Variants in GPATCH8 observed in about 807,000 individuals in gnomAD.
GPATCH8 encodes G-patch domain containing 8, also known as G patch domain-containing protein 8.
Under a neutral mutation model 118.3 loss-of-function variants are expected in GPATCH8, and 18 were observed. That is an observed-to-expected ratio of 0.15 (90% confidence interval 0.11 to 0.23). GPATCH8 has a LOEUF of 0.23. Ranked by LOEUF, GPATCH8 falls within the 10% of genes least tolerant of loss-of-function variation. The probability of loss-of-function intolerance (pLI) is 1.00; values close to 1 mark genes in which losing one functional copy is unlikely to be tolerated. For synonymous variants in GPATCH8, 659 were observed against 684.7 expected, an observed-to-expected ratio of 0.96 and a Z score of 0.59; for missense variants, 1,631 against 1,873.8, an observed-to-expected ratio of 0.87 and a Z score of 2.39.
chr17:44,459,793 A>G (rs563921154), intron 3 of GPATCH8, among the ~76,000 whole-genome samples: 1 of 152,302 alleles, frequency 6.6e-6, no homozygotes, highest in Admixed American at 6.5e-5. Context: ...ACCATGTCTT[A>G]TCTACTCTCC....
intron 7 of GPATCH8, 152 bp downstream of exon 7, chr17:44,405,769 G>A (rs1039182157): frequency 6.1e-5 from 35 of 576,444 alleles, no homozygotes; most frequent in South Asian, 1.0e-4. Flanking sequence ...CTCTCAAAGT[G>A]CTGGGATTAT....
At chr17:44,463,146 G>T (rs1460739602) in intron 3 of GPATCH8, among the ~76,000 whole-genome samples, 1 of 151,644 alleles carries the variant, frequency 6.6e-6, no homozygotes, top group East Asian at 1.9e-4. Context: ...TTTTGAACAC[G>T]TGGCCTCAAA....
chr17:44,442,096 C>T (rs1458256842), intron 3 of GPATCH8, among the ~76,000 whole-genome samples: 12 of 104,252 alleles, frequency 1.2e-4, no homozygotes, highest in Non-Finnish European at 1.4e-4. Context: ...TATATGTATA[C>T]GTATATATAT....
At chr17:44,474,936 A>C in intron 1 of GPATCH8, 33 bp from the exon 2 acceptor site, 3 of 1,068,840 alleles carry the variant, frequency 2.8e-6, no homozygotes, top group South Asian at 2.5e-5. Flanking sequence ...ATTTTTCAAA[A>C]GCAGTTAAGT....
intron 6 of GPATCH8, among the ~76,000 whole-genome samples, chr17:44,421,598 T>A (rs1023662404): frequency 2.0e-5 from 3 of 151,954 alleles, no homozygotes; most frequent in Non-Finnish European, 2.9e-5. Context: ...ACTCCTGACC[T>A]CAGGTGAACT....
chr17:44,467,169 T>G, intron 2 of GPATCH8: 1 of 784,498 alleles, frequency 1.3e-6, no homozygotes, highest in Non-Finnish European at 1.8e-6. Context: ...CAATCACTAA[T>G]GGTCGTTTTT....
chr17:44,483,552 G>A (rs1008462774), intron 1 of GPATCH8, among the ~76,000 whole-genome samples: 5 of 151,668 alleles, frequency 3.3e-5, no homozygotes, highest in African/African-American at 1.2e-4. Context: ...ACTGGCCGAG[G>A]TAGGCTATTT....
In GPATCH8 at chr17:44,396,704, A is replaced by G; in HGVS notation, c.*864T>C. The G allele has an allele frequency of 2.2e-6, 1 of 445,890 alleles. No individual in the cohort carries two copies. The highest frequency in any genetic ancestry group is 4.5e-6 in the Non-Finnish European group (1 of 224,684). The allele number at this position is 445,890 out of a possible 1,614,324, so 27.6% of individuals were successfully genotyped here. A position where few individuals can be genotyped will look rare whatever the true frequency, so the allele number is the denominator to read the frequency against. ...AAAATATTATTGCAGTATACTACAA[A>G]TATGGAACCTTTTTTATATGAGCTA... On this transcript the variant is annotated 3_prime_UTR_variant, in exon 8 of 8. Transcript: ENST00000591680.
chr17:44,478,138 TTCAATTTACC>T (rs1482907627), intron 1 of GPATCH8, among the ~76,000 whole-genome samples: 1 of 152,234 alleles, frequency 6.6e-6, no homozygotes, highest in Non-Finnish European at 1.5e-5. Flanking sequence ...AAAGTCTGTC[TTCAATTTACC>T]TCCAAACACC....
Position 44,400,810 on chromosome 17 carries a change from C to T in GPATCH8, c.1267G>A (p.Asp423Asn), listed in dbSNP as rs772681854. ...GCATTCTTTGGGTGTGTAGTATTAT[C>T]ACCATCCATTTGTTCACTGGCTCTC... The part of the protein sequence containing the change: ...FMRASEQMDG[D>N]NTTHPKNAPE... The change falls in exon 8 of 8, where the codon GAT becomes AAT. Residue 423 changes from aspartate (D) to asparagine (N), a missense_variant. By Grantham distance (23) the Asp-to-Asn change is conservative (BLOSUM62 1). Coordinates refer to ENST00000591680, the MANE Select transcript of GPATCH8 (RefSeq NM_001002909.4). The T allele has an allele frequency of 1.2e-6, 2 of 1,614,148 alleles. No homozygotes were observed. The highest frequency in any genetic ancestry group is 4.5e-5 in the East Asian group (2 of 44,890).
At chr17:44,450,366 G>A (rs1313294685) in intron 3 of GPATCH8, among the ~76,000 whole-genome samples, 1 of 152,128 alleles carries the variant, frequency 6.6e-6, no homozygotes, top group Non-Finnish European at 1.5e-5. Flanking sequence ...TCTAAACACA[G>A]CAAAACTCAC....
intron 6 of GPATCH8, among the ~76,000 whole-genome samples, chr17:44,420,713 T>G (rs1344266539): frequency 6.6e-6 from 1 of 152,246 alleles, no homozygotes; most frequent in African/African-American, 2.4e-5. Flanking sequence ...ACATTCAGGT[T>G]GAGGACAGTG....
At chr17:44,454,991 C>T (rs771362668) in intron 3 of GPATCH8, among the ~76,000 whole-genome samples, 1 of 152,214 alleles carries the variant, frequency 6.6e-6, no homozygotes, top group Admixed American at 6.5e-5. Flanking sequence ...TCTTCAAATA[C>T]ACCAGCTCTG....
intron 1 of GPATCH8, among the ~76,000 whole-genome samples, chr17:44,481,035 C>A (rs890110042): frequency 2.0e-5 from 3 of 152,060 alleles, no homozygotes; most frequent in African/African-American, 7.2e-5. Context: ...TTCAGGCTCC[C>A]GAGTAGCTGG....
At chr17:44,454,649 C>T (rs1002830897) in intron 3 of GPATCH8, among the ~76,000 whole-genome samples, 1 of 152,070 alleles carries the variant, frequency 6.6e-6, no homozygotes, top group Non-Finnish European at 1.5e-5. Flanking sequence ...TCTTGAACTC[C>T]TGGCCTCAAG....
chr17:44,498,836 C>T (rs140507039), intron 1 of GPATCH8, among the ~76,000 whole-genome samples: 24 of 152,260 alleles, frequency 1.6e-4, no homozygotes, highest in Non-Finnish European at 2.6e-4. Context: ...AATTACAATG[C>T]CAACTATATT....
intron 3 of GPATCH8, among the ~76,000 whole-genome samples, chr17:44,458,479 C>T (rs2071036348): frequency 6.6e-6 from 1 of 151,932 alleles, no homozygotes; most frequent in East Asian, 1.9e-4. Context: ...AGATATTTTC[C>T]CCAGTCTGTT....
intron 3 of GPATCH8, among the ~76,000 whole-genome samples, chr17:44,456,658 T>C (rs2051344651): frequency 1.3e-5 from 2 of 152,020 alleles, no homozygotes; most frequent in South Asian, 4.2e-4. Context: ...AGTCATAAAA[T>C]GTAGTCTAAA....
At position 44,396,037 on chromosome 17, in the gene GPATCH8, T is replaced by G. The variant is rs755748909; in HGVS notation, c.*1531A>C. The G allele has an allele frequency of 4.4e-6, 2 of 454,428 alleles. No homozygotes were observed. The highest frequency in any genetic ancestry group is 1.6e-5 in the South Asian group (1 of 64,480). The allele number at this position is 454,428 out of a possible 1,614,324, so 28.1% of individuals were successfully genotyped here. A position where few individuals can be genotyped will look rare whatever the true frequency, so the allele number is the denominator to read the frequency against. On this transcript the variant is annotated 3_prime_UTR_variant, in exon 8 of 8. Transcript: ENST00000591680. The stretch of plus-strand genomic sequence containing the variant: ...TGAGCTGGGCAGAGGGCATGGAAAC[T>G]ATGAAGCAAAATATCTGTAAATGTG...
Sources: gnomAD v4.1 joint callset for allele counts (sites outside exome capture counted in the v4.1 genomes callset) on GRCh38, gnomAD v4.1.1 for gene constraint, MANE v1.5 for transcripts, NCBI Gene and HGNC (gene_info 2026-07-23, HGNC 2026-07-21) for gene names.